The following GALNTL6 variants were observed in gnomAD, a reference collection of about 807,000 sequenced individuals.
GALNTL6 encodes the protein polypeptide N-acetylgalactosaminyltransferase-like 6.
In GALNTL6, 46 loss-of-function variants were observed where a neutral mutation model predicts 73.7. That is an observed-to-expected ratio of 0.62 (90% CI 0.49 to 0.80). The LOEUF (loss-of-function observed/expected upper bound fraction) is 0.80. Ranked by LOEUF, GALNTL6 falls within the 30% of genes least tolerant of loss-of-function variation. The probability of loss-of-function intolerance (pLI) is 0.00; values close to 1 mark genes in which losing one functional copy is unlikely to be tolerated. For missense variants in GALNTL6, 604 were observed against 755.0 expected, an observed-to-expected ratio of 0.80 and a Z score of 2.34; for synonymous variants, 259 against 263.7, an observed-to-expected ratio of 0.98 and a Z score of 0.17.
chr4:172,351,890 A>G (rs1159615906), intron 5 of GALNTL6, among the ~76,000 whole-genome samples: 1 of 152,154 alleles, frequency 6.6e-6, no homozygotes, highest in East Asian at 1.9e-4. Flanking sequence ...ATACTCTACA[A>G]GATCCTTTGG....
At chr4:172,496,023 C>T (rs377015595) in intron 5 of GALNTL6, among the ~76,000 whole-genome samples, 16 of 152,248 alleles carry the variant, frequency 1.1e-4, no homozygotes, top group South Asian at 2.1e-4. Flanking sequence ...ACCGTTTGTG[C>T]GTTTTTGTAT....
At chr4:172,494,679 G>A (rs185618293) in intron 5 of GALNTL6, among the ~76,000 whole-genome samples, 2 of 152,146 alleles carry the variant, frequency 1.3e-5, no homozygotes, top group Non-Finnish European at 2.9e-5. Flanking sequence ...ACAAACCACT[G>A]GCATAAGTCC....
At chr4:172,556,145 T>C (rs2110913642) in intron 5 of GALNTL6, among the ~76,000 whole-genome samples, 1 of 152,224 alleles carries the variant, frequency 6.6e-6, no homozygotes, top group Non-Finnish European at 1.5e-5. Flanking sequence ...TTCTTGTTCC[T>C]AGTAGTTATA....
In GALNTL6 at chr4:172,762,236, C is replaced by G. The variant is rs114731005; in HGVS notation, c.554-47125C>G. On this transcript the variant is annotated intron_variant, in intron 5 of 12. Coordinates refer to ENST00000506823, the MANE Select transcript of GALNTL6 (RefSeq NM_001034845.3). Reference sequence around the variant, plus strand: ...AGCAATGTTGCTTCTGCTCATTCAACTGCAGAGGTACAAGAGGGAAAAGTC... The same window carrying G: ...AGCAATGTTGCTTCTGCTCATTCAAGTGCAGAGGTACAAGAGGGAAAAGTC... 8.7e-3 allele frequency among the ~76,000 whole-genome samples: 1,318 copies of G among 152,286 alleles called. 21 individuals are homozygous for G. The highest frequency in any genetic ancestry group is 0.03 in the African/African-American group (1,258 of 41,562).
chr4:172,392,792 G>A (rs1368799034), intron 5 of GALNTL6, among the ~76,000 whole-genome samples: 1 of 152,150 alleles, frequency 6.6e-6, no homozygotes, highest in Non-Finnish European at 1.5e-5. Flanking sequence ...GAGAAGGGAA[G>A]CAAGTTCTCT....
intron 10 of GALNTL6, among the ~76,000 whole-genome samples, chr4:172,980,443 C>T (rs1751015463): frequency 6.6e-6 from 1 of 152,168 alleles, no homozygotes; most frequent in Non-Finnish European, 1.5e-5. Flanking sequence ...CCTCTGGCTG[C>T]TATAACACAG....
intron 9 of GALNTL6, among the ~76,000 whole-genome samples, chr4:172,937,611 G>A (rs988870579): frequency 6.6e-6 from 1 of 152,202 alleles, no homozygotes; most frequent in Non-Finnish European, 1.5e-5. Flanking sequence ...AATGCTTACT[G>A]TGCCAGTCAG....
intron 5 of GALNTL6, among the ~76,000 whole-genome samples, chr4:172,549,312 C>G (rs1735878744): frequency 6.6e-6 from 1 of 152,118 alleles, no homozygotes; most frequent in African/African-American, 2.4e-5. Flanking sequence ...TTGTATCCTA[C>G]ATTTTTCTGA....
intron 2 of GALNTL6, among the ~76,000 whole-genome samples, chr4:171,870,395 C>T (rs1004513311): frequency 6.6e-6 from 1 of 152,160 alleles, no homozygotes; most frequent in Non-Finnish European, 1.5e-5. Context: ...TCAAATGTAC[C>T]CATGCCCTTG....
chr4:173,029,909 G>C (rs1276476115), intron 12 of GALNTL6, among the ~76,000 whole-genome samples: 1 of 152,126 alleles, frequency 6.6e-6, no homozygotes, highest in African/African-American at 2.4e-5. Context: ...CATCTAAATT[G>C]TTGATCCCAG....
At chr4:172,311,908 G>T (rs1312680072) in intron 4 of GALNTL6, among the ~76,000 whole-genome samples, 156 bp downstream of exon 4, 4 of 151,580 alleles carry the variant, frequency 2.6e-5, no homozygotes, top group African/African-American at 4.8e-5. Flanking sequence ...AAATATACTT[G>T]ACCTAAATTG....
chr4:172,386,246 C>T (rs1366765712), intron 5 of GALNTL6, among the ~76,000 whole-genome samples: 3 of 152,128 alleles, frequency 2.0e-5, no homozygotes, highest in Non-Finnish European at 4.4e-5. Flanking sequence ...AAAATACATA[C>T]ACTGAGTGGC....
chr4:171,988,289 A>G lies in GALNTL6; in HGVS notation c.138+173571A>G, dbSNP rs187150499. The stretch of plus-strand genomic sequence containing the variant: ...GACGTTTGGGAGATTAATCGGCCAC[A>G]ATCAGCAGGGAGAGCACGTGTGTTT... On this transcript the variant is annotated intron_variant, in intron 2 of 12. Coordinates refer to ENST00000506823, the MANE Select transcript of GALNTL6 (RefSeq NM_001034845.3). Among the ~76,000 whole-genome samples the G allele has an allele frequency of 1.2e-4, 18 of 152,302 alleles. No individual in the cohort carries two copies. In the South Asian group the frequency reaches 2.1e-3, roughly 18 times the overall value.
intron 2 of GALNTL6, among the ~76,000 whole-genome samples, chr4:172,128,412 A>G (rs1226884437): frequency 6.6e-6 from 1 of 152,168 alleles, no homozygotes; most frequent in East Asian, 1.9e-4. Flanking sequence ...AAGATCCTAT[A>G]GATTTCCTTT....
intron 2 of GALNTL6, among the ~76,000 whole-genome samples, chr4:172,204,715 T>G (rs1330459281): frequency 6.6e-6 from 1 of 152,164 alleles, no homozygotes; most frequent in Non-Finnish European, 1.5e-5. Context: ...TTGAGAATAA[T>G]GTTTTGTGAT....
intron 2 of GALNTL6, among the ~76,000 whole-genome samples, chr4:172,002,114 A>G (rs904291929): frequency 1.3e-5 from 2 of 152,164 alleles, no homozygotes; most frequent in Admixed American, 6.6e-5. Context: ...CTGATTATAT[A>G]TCATCTTGCC....
chr4:172,259,859 T>C (rs1738198575), intron 3 of GALNTL6, among the ~76,000 whole-genome samples: 2 of 151,674 alleles, frequency 1.3e-5, no homozygotes, highest in Admixed American at 1.3e-4. Context: ...ATTTGTTGAC[T>C]ATGGTATCCT....
chr4:172,645,198 A>T (rs1276178974), intron 5 of GALNTL6, among the ~76,000 whole-genome samples: 1 of 151,992 alleles, frequency 6.6e-6, no homozygotes, highest in South Asian at 2.1e-4. Context: ...TAATAAATTT[A>T]ATAAAGGTGA....
intron 4 of GALNTL6, among the ~76,000 whole-genome samples, chr4:172,341,571 A>T (rs911649057): frequency 3.3e-5 from 5 of 151,556 alleles, no homozygotes; most frequent in Admixed American, 6.6e-5. Context: ...GTGGGGAGGG[A>T]CCTGGTTGGA....
Sources: allele counts gnomAD v4.1 joint callset (sites outside exome capture counted in the v4.1 genomes callset), GRCh38; gene constraint gnomAD v4.1.1; transcripts MANE v1.5; gene names NCBI Gene and HGNC (gene_info 2026-07-23, HGNC 2026-07-21).